The following DENND4B variants were observed in gnomAD, a reference collection of about 807,000 sequenced individuals.
DENND4B encodes DENN domain containing 4B, also known as DENN domain-containing protein 4B.
A neutral mutation model predicts 161.0 loss-of-function variants in DENND4B; 67 were observed. The ratio of observed to expected loss-of-function variants is 0.42; its 90% confidence interval spans 0.34 to 0.51. DENND4B has a LOEUF of 0.51. Among genes scored for constraint, DENND4B ranks in the 20% least tolerant of loss-of-function variants. DENND4B has a pLI of 0.08. For synonymous variants in DENND4B, 753 were observed against 813.8 expected (o/e 0.93, Z 1.27); for missense variants, 1,481 against 1,968.0 (o/e 0.75, Z 4.68).
chr1:153,932,363 C>T lies in DENND4B; in HGVS notation c.3837G>A (p.Leu1279=). Residue 1279 remains leucine, a synonymous_variant, in exon 24 of 28, where the codon CTG becomes CTA. Coordinates refer to ENST00000361217, the MANE Select transcript of DENND4B (RefSeq NM_014856.3). This position sits in a 1 kb window ranked among gnomAD's most constrained non-coding sequence, Gnocchi z 5.8. ...PLVLRKELES[L]VENEGSEVLA... ...GCACCTCACTGCCCTCGTTCTCTAC[C>T]AGCGACTCCAGCTCCTTACGCAGCA... The T allele has an allele frequency of 6.2e-7, 1 of 1,613,792 alleles. No homozygotes were observed. Among genetic ancestry groups the T allele is most frequent in the South Asian group, 1.1e-5 (1 of 91,042 alleles).
chr1:153,932,060 G>T lies in DENND4B; in HGVS notation c.3996+144C>A. 1.4e-6 allele frequency: 1 copy of T among 738,472 alleles called. No homozygotes were observed. Among genetic ancestry groups the T allele is most frequent in the South Asian group, 1.9e-5 (1 of 53,548 alleles). 45.7% of individuals were successfully genotyped at this position (738,472 alleles called of 1,614,324 possible). ...GACCTCAGGTGATTCGCCCACCTCGGCCTCCCAAAGTGCTGGGATTACAGG... is the reference window on the plus strand; with the variant it reads ...GACCTCAGGTGATTCGCCCACCTCGTCCTCCCAAAGTGCTGGGATTACAGG... On this transcript the variant is annotated intron_variant, in intron 24 of 27. Coordinates refer to ENST00000361217, the MANE Select transcript of DENND4B (RefSeq NM_014856.3). The surrounding 1 kb of genome is among the most constrained non-coding windows in gnomAD (Gnocchi z 5.8).
In DENND4B at chr1:153,941,196, AT is replaced by A. The variant is rs1241217613; in HGVS notation, c.1181+34del. 4.3e-6 allele frequency: 7 copies of A among 1,611,878 alleles called. No homozygotes were observed. In the East Asian group the frequency reaches 1.3e-4, roughly 31 times the overall value. ...CCCAGCACCTACCATGTCCTTGGTC[AT>A]TAAAGCTCCCCTCCCCACAATCTGA... On this transcript the variant is annotated intron_variant, in intron 8 of 27. Transcript: ENST00000361217.
In DENND4B at chr1:153,936,730, G is replaced by T; in HGVS notation, c.2251C>A (p.Arg751=). 1.1e-5 allele frequency: 17 copies of T among 1,594,702 alleles called. No individual in the cohort carries two copies. The highest frequency in any genetic ancestry group is 1.5e-5 in the Non-Finnish European group (17 of 1,167,800). ...ACAGCTGCTGACTTCTGTGCCATCC[G>T]CTGTGCAACTTTCATCTCCTAGGTA... ...RTKQEMKVAQ[R]MAQKSAAVPE... Residue 751 remains arginine, a synonymous_variant, in exon 16 of 28, where the codon CGG becomes AGG. Transcript: ENST00000361217. This position sits in a 1 kb window ranked among gnomAD's most constrained non-coding sequence, Gnocchi z 4.1.
At position 153,932,124 on chromosome 1, in the gene DENND4B, C is replaced by T; in HGVS notation, c.3996+80G>A. ...GCCTGGCCAGTCTATGCTCTTTCTACAGTGCCAAGGACACAGTGGACAAAT... is the reference window on the plus strand; with the variant it reads ...GCCTGGCCAGTCTATGCTCTTTCTATAGTGCCAAGGACACAGTGGACAAAT... On this transcript the variant is annotated intron_variant, in intron 24 of 27. Coordinates refer to ENST00000361217, the MANE Select transcript of DENND4B (RefSeq NM_014856.3). This position sits in a 1 kb window ranked among gnomAD's most constrained non-coding sequence, Gnocchi z 5.8. 1 of 1,343,918 alleles carries T rather than the reference C, an allele frequency of 7.4e-7. No individual in the cohort carries two copies. Among genetic ancestry groups the T allele is most frequent in the Non-Finnish European group, 1.0e-6 (1 of 968,722 alleles). The allele number at this position is 1,343,918 out of a possible 1,614,324, so 83.2% of individuals were successfully genotyped here. A position where few individuals can be genotyped will look rare whatever the true frequency, so the allele number is the denominator to read the frequency against.
intron 1 of DENND4B, chr1:153,945,204 TG>T (rs1248637422): frequency 7.8e-7 from 1 of 1,286,016 alleles, no homozygotes; most frequent in Non-Finnish European, 1.0e-6. Context: ...GTGCAGAAGC[TG>T]GGAAAAAGCC....
Position 153,944,995 on chromosome 1 carries a change from A to G in DENND4B, c.-23-598T>C. ...CTTAACTCCACCAATCTGGCCCAAA[A>G]TCCAGTGTTCTCACACCTCCAGGAT... On this transcript the variant is annotated intron_variant, in intron 1 of 27. Coordinates refer to ENST00000361217, the MANE Select transcript of DENND4B (RefSeq NM_014856.3). This position sits in a 1 kb window ranked among gnomAD's most constrained non-coding sequence, Gnocchi z 4.8. 1.0e-6 allele frequency: 1 copy of G among 971,624 alleles called. No homozygotes were observed. The highest frequency in any genetic ancestry group is 1.3e-6 in the Non-Finnish European group (1 of 743,684). 60.2% of individuals were successfully genotyped at this position (971,624 alleles called of 1,614,324 possible). A position where few individuals can be genotyped will look rare whatever the true frequency, so the allele number is the denominator to read the frequency against.
In DENND4B at chr1:153,936,613, C is replaced by A. The variant is rs1295117054; in HGVS notation, c.2368G>T (p.Val790Leu). Residue 790 changes from valine (V) to leucine (L), a missense_variant, in exon 16 of 28, where the codon GTG (valine) becomes TTG (leucine). Physicochemically the swap from Val to Leu is conservative, Grantham distance 32. This residue lies in a region of DENND4B where 806 missense variants were observed against 1,134.4 expected (regional missense o/e 0.71). Coordinates refer to ENST00000361217, the MANE Select transcript of DENND4B (RefSeq NM_014856.3). The surrounding 1 kb of genome is among the most constrained non-coding windows in gnomAD (Gnocchi z 4.1). The part of the protein sequence containing the change: ...PAYVRSAPSR[V>L]QALHTAYHVL... ...TGGTAGGCTGTGTGCAGTGCCTGCA[C>A]TCGGGAGGGTGCCGACCGCACATAG... 6.2e-7 allele frequency: 1 copy of A among 1,613,000 alleles called. No individual in the cohort carries two copies. Among genetic ancestry groups the A allele is most frequent in the Admixed American group, 1.7e-5 (1 of 59,894 alleles).
At chr1:153,941,828 C>G (rs762038753) in intron 6 of DENND4B, 41 bp downstream of exon 6, 11 of 1,607,628 alleles carry the variant, frequency 6.8e-6, no homozygotes, top group Non-Finnish European at 9.3e-6. Flanking sequence ...CCCCCTTATC[C>G]CTTCCTAACC....
chr1:153,930,536 C>T lies in DENND4B; in HGVS notation c.4345+3G>A, dbSNP rs746353179. 2.3e-5 allele frequency: 37 copies of T among 1,613,926 alleles called. No homozygotes were observed. Among genetic ancestry groups the T allele is most frequent in the Non-Finnish European group, 2.7e-5 (32 of 1,179,898 alleles). ...CTCCTCAGCCCCTTGCCTGCAATCT[C>T]ACCTATGTCCACGTGGTCCTTGCCC... On this transcript the variant is annotated splice_donor_region_variant and intron_variant, in intron 27 of 27. Transcript: ENST00000361217. This position sits in a 1 kb window ranked among gnomAD's most constrained non-coding sequence, Gnocchi z 4.7.
Position 153,944,257 on chromosome 1 carries a change from G to A in DENND4B, c.118C>T (p.Pro40Ser). 6.2e-7 allele frequency: 1 copy of A among 1,600,378 alleles called. No homozygotes were observed. Among genetic ancestry groups the A allele is most frequent in the South Asian group, 1.1e-5 (1 of 89,726 alleles). Reference protein sequence around the residue: ...WVPEPSGPLRPPRPAEPITDV... With the variant: ...WVPEPSGPLRSPRPAEPITDV... Reference sequence around the variant, plus strand: ...GTGATGGGCTCAGCTGGCCGGGGAGGGCGCAGGGGCCCACTGGGTTCAGGA... The same window carrying A: ...GTGATGGGCTCAGCTGGCCGGGGAGAGCGCAGGGGCCCACTGGGTTCAGGA... The change falls in exon 2 of 28, where the codon CCT becomes TCT. Residue 40 changes from proline to serine, a missense_variant. This residue lies in a region of DENND4B where 806 missense variants were observed against 1,134.4 expected (regional missense o/e 0.71). Coordinates refer to ENST00000361217, the MANE Select transcript of DENND4B (RefSeq NM_014856.3). This position sits in a 1 kb window ranked among gnomAD's most constrained non-coding sequence, Gnocchi z 4.8.
rs533099959 is a variant in DENND4B, at chr1:153,932,027, G to A, written c.3996+177C>T. On this transcript the variant is annotated intron_variant, in intron 24 of 27. Coordinates refer to ENST00000361217, the MANE Select transcript of DENND4B (RefSeq NM_014856.3). The surrounding 1 kb of genome is among the most constrained non-coding windows in gnomAD (Gnocchi z 5.8). ...TCTCCCAGTTGGTCAGGCTGGTCTC[G>A]AACTCCTGACCTCAGGTGATTCGCC... 21 of 590,668 alleles carry A rather than the reference G, an allele frequency of 3.6e-5. No homozygotes were observed. The highest frequency in any genetic ancestry group is 1.0e-4 in the South Asian group (5 of 48,840). 36.6% of individuals were successfully genotyped at this position (590,668 alleles called of 1,614,324 possible).
At position 153,946,199 on chromosome 1, in the gene DENND4B, G is replaced by A. The variant is rs1022650450; in HGVS notation, c.-24+102C>T. 1.6e-5 allele frequency: 5 copies of A among 314,168 alleles called. No homozygotes were observed. The highest frequency in any genetic ancestry group is 6.6e-5 in the African/African-American group (3 of 45,672). 19.5% of individuals were successfully genotyped at this position (314,168 alleles called of 1,614,324 possible). A position where few individuals can be genotyped will look rare whatever the true frequency, so the allele number is the denominator to read the frequency against. On this transcript the variant is annotated intron_variant, in intron 1 of 27. Transcript: ENST00000361217. The surrounding 1 kb of genome is among the most constrained non-coding windows in gnomAD (Gnocchi z 6.3). The stretch of plus-strand genomic sequence containing the variant: ...GAGAGGAACCGGAACCAGATGTGCA[G>A]TGAGGGACAGCAGCTGGGGGCCATC...
intron 1 of DENND4B, chr1:153,945,041 C>G: frequency 1.6e-6 from 2 of 1,245,970 alleles, no homozygotes; most frequent in Non-Finnish European, 2.1e-6. Flanking sequence ...CTCGTTAGAT[C>G]CAAAGCAGTT....
chr1:153,943,746 A>G (rs1205187170), intron 2 of DENND4B, among the ~76,000 whole-genome samples: 1 of 150,904 alleles, frequency 6.6e-6, no homozygotes, highest in Non-Finnish European at 1.5e-5. Context: ...AGTCTGTCAC[A>G]TGGGTTATCT....
Position 153,932,007 on chromosome 1 carries a change from C to T in DENND4B, c.3996+197G>A, listed in dbSNP as rs1049500564. Among the ~76,000 whole-genome samples the T allele has an allele frequency of 2.0e-5, 3 of 151,538 alleles. No individual in the cohort carries two copies. The highest frequency in any genetic ancestry group is 4.8e-5 in the African/African-American group (2 of 41,242). ...TTTTTAGTAGAGACAGGGTTTCTCC[C>T]AGTTGGTCAGGCTGGTCTCGAACTC... is the stretch of plus-strand genomic sequence containing the variant. On this transcript the variant is annotated intron_variant, in intron 24 of 27. Transcript: ENST00000361217. This position sits in a 1 kb window ranked among gnomAD's most constrained non-coding sequence, Gnocchi z 5.8.
chr1:153,930,640 G>A lies in DENND4B; in HGVS notation c.4281-37C>T. On this transcript the variant is annotated intron_variant, in intron 26 of 27. Transcript: ENST00000361217. The surrounding 1 kb of genome is among the most constrained non-coding windows in gnomAD (Gnocchi z 4.7). ...GCAGAAGTGTATGAGTGAGAGAAAA[G>A]GGGTGTGGAGCCCCGGACAGACCAG... 1.2e-6 allele frequency: 2 copies of A among 1,613,806 alleles called. No individual in the cohort carries two copies. Among genetic ancestry groups the A allele is most frequent in the East Asian group, 2.2e-5 (1 of 44,884 alleles).
chr1:153,942,772 C>T lies in DENND4B; in HGVS notation c.570+106G>A. On this transcript the variant is annotated intron_variant, in intron 3 of 27. Coordinates refer to ENST00000361217, the MANE Select transcript of DENND4B (RefSeq NM_014856.3). This position sits in a 1 kb window ranked among gnomAD's most constrained non-coding sequence, Gnocchi z 6.9. ...CCAAGACCAGAGTTACCCCTCTGGA[C>T]TCACCCCTGTGGTCAGAGCCTTGGT... 6.7e-7 allele frequency: 1 copy of T among 1,492,368 alleles called. No homozygotes were observed. The highest frequency in any genetic ancestry group is 8.9e-7 in the Non-Finnish European group (1 of 1,118,664). The allele number at this position is 1,492,368 out of a possible 1,614,324, so 92.4% of individuals were successfully genotyped here.
intron 8 of DENND4B, 41 bp from the exon 9 acceptor site, chr1:153,941,089 C>T (rs750061713): frequency 9.6e-6 from 15 of 1,555,194 alleles, no homozygotes; most frequent in South Asian, 4.7e-5. Flanking sequence ...CACCAGGATA[C>T]CCTGGGGACC....
Position 153,942,007 on chromosome 1 carries a change from G to A in DENND4B, c.917C>T (p.Ala306Val). ...GLLSAVERGR[A>V]LGGRAVRSRR... ...GCTGCGCACAGCTCTGCCCCCCAGT[G>A]CCCGACCCCGCTCCACGGCGCTCAG... Residue 306 changes from alanine to valine, a missense_variant, in exon 6 of 28, where the codon GCA (alanine) becomes GTA (valine). By Grantham distance (64) the Ala-to-Val change is moderately conservative. This residue lies in a region of DENND4B where 806 missense variants were observed against 1,134.4 expected (regional missense o/e 0.71). Transcript: ENST00000361217. The surrounding 1 kb of genome is among the most constrained non-coding windows in gnomAD (Gnocchi z 6.9). 4.3e-6 allele frequency: 7 copies of A among 1,611,684 alleles called. No homozygotes were observed. The highest frequency in any genetic ancestry group is 5.9e-6 in the Non-Finnish European group (7 of 1,179,214).
Sources: allele counts gnomAD v4.1 joint callset (sites outside exome capture counted in the v4.1 genomes callset), GRCh38; gene constraint gnomAD v4.1.1; regional missense constraint gnomAD v4.1.1; non-coding constraint Gnocchi (gnomAD v3.1); transcripts MANE v1.5; gene names NCBI Gene and HGNC (gene_info 2026-07-23, HGNC 2026-07-21).